SLC7A3: variants seen among roughly 807,000 people sequenced by gnomAD.
SLC7A3 encodes cationic amino acid transporter 3.
A neutral mutation model predicts 33.2 loss-of-function variants in SLC7A3; 3 were observed. The observed-to-expected ratio is 0.09, with a 90% CI of 0.04 to 0.23. The LOEUF (loss-of-function observed/expected upper bound fraction) is 0.23. SLC7A3 is among the 10% of genes least tolerant of loss of function. The probability of loss-of-function intolerance (pLI) is 1.00; values close to 1 mark genes in which losing one functional copy is unlikely to be tolerated. For synonymous variants in SLC7A3, 193 were observed against 195.1 expected, an observed-to-expected ratio of 0.99 and a Z score of 0.09; for missense variants, 360 against 488.8, an observed-to-expected ratio of 0.74 and a Z score of 2.48.
chrX:70,927,376 C>T lies in SLC7A3; in HGVS notation c.1192G>A (p.Ala398Thr). The change falls in exon 8 of 12, where the codon GCA becomes ACA. Residue 398 changes from alanine (A) to threonine (T), a missense_variant. Physicochemically the swap from Ala to Thr is moderately conservative, Grantham distance 58. Transcript: ENST00000374299. ...VVSGIIAAFM[A>T]FLFKLTDLVD... Reference sequence around the variant, plus strand: ...AGATCAGTGAGTTTGAAGAGGAATGCCATGAATGCTAAAATTAATAGGCAG... The same window carrying T: ...AGATCAGTGAGTTTGAAGAGGAATGTCATGAATGCTAAAATTAATAGGCAG... The T allele has an allele frequency of 1.7e-6, 2 of 1,210,153 alleles. No individual in the cohort carries two copies. The highest frequency in any genetic ancestry group is 2.2e-6 in the Non-Finnish European group (2 of 894,671).
At chrX:70,929,487 C>A (rs888648365) in intron 2 of SLC7A3, 141 bp downstream of exon 2, 25 of 715,960 alleles carry the variant, frequency 3.5e-5, no homozygotes, top group Middle Eastern at 3.7e-4. Context: ...TTCAACACCC[C>A]CCCCCAGACC....
chrX:70,927,979 T>A lies in SLC7A3; in HGVS notation c.862A>T (p.Ile288Phe). Reference sequence around the variant, plus strand: ...AAGCAGACAGACAGTGAGATCACAATGCCCATCGGGATGGAACGCTGGGGA... The same window carrying A: ...AAGCAGACAGACAGTGAGATCACAAAGCCCATCGGGATGGAACGCTGGGGA... ...QNPQRSIPMGIVISLSVCFLA... is the reference protein window; with the variant it reads ...QNPQRSIPMGFVISLSVCFLA... Residue 288 changes from isoleucine (I) to phenylalanine (F), a missense_variant, in exon 6 of 12, where the codon ATT becomes TTT. Coordinates refer to ENST00000374299, the MANE Select transcript of SLC7A3 (RefSeq NM_032803.6). 1 of 1,211,364 alleles carries A rather than the reference T, an allele frequency of 8.3e-7. No individual in the cohort carries two copies. Among genetic ancestry groups the A allele is most frequent in the East Asian group, 3.0e-5 (1 of 33,804 alleles).
chrX:70,925,739 G>A lies in SLC7A3; in HGVS notation c.*74C>T, dbSNP rs2091895020. ...TCCACCACCACCATCACAGGGGAGG[G>A]CTAGCTGTCACTGGGGTCAGGAGTA... On this transcript the variant is annotated 3_prime_UTR_variant, in exon 12 of 12. Coordinates refer to ENST00000374299, the MANE Select transcript of SLC7A3 (RefSeq NM_032803.6). The A allele has an allele frequency of 9.7e-6, 11 of 1,131,617 alleles. No homozygotes were observed. In the South Asian group the frequency reaches 1.5e-4, roughly 16 times the overall value. 93.3% of individuals were successfully genotyped at this position (1,131,617 alleles called of 1,213,427 possible).
Position 70,929,912 on chromosome X carries a change from G to A in SLC7A3, c.86C>T (p.Ala29Val). Reference sequence around the variant, plus strand: ...TAAATCCAGGGTGCTTAGGCATCTGGCAAGGCGAGTCTCAGCCATGCCTGA... The same window carrying A: ...TAAATCCAGGGTGCTTAGGCATCTGACAAGGCGAGTCTCAGCCATGCCTGA... Reference protein sequence around the residue: ...LESGMAETRLARCLSTLDLVA... With the variant: ...LESGMAETRLVRCLSTLDLVA... Residue 29 changes from alanine to valine, a missense_variant, in exon 2 of 12, where the codon GCC (alanine) becomes GTC (valine). By Grantham distance (64) the Ala-to-Val change is moderately conservative. Transcript: ENST00000374299. 8.3e-7 allele frequency: 1 copy of A among 1,211,854 alleles called. No homozygotes were observed. Among genetic ancestry groups the A allele is most frequent in the Admixed American group, 2.2e-5 (1 of 46,073 alleles).
intron 11 of SLC7A3, 51 bp from the exon 12 acceptor site, chrX:70,925,994 TC>T (rs199657967): frequency 0.022 from 26,336 of 1,207,615 alleles, 248 homozygotes; most frequent in Non-Finnish European, 0.027. Context: ...TTCATAGGTT[TC>T]CTACTTGAGA....
rs1186189571 is a variant in SLC7A3 at position 70,926,647 on chromosome X, A to T, written c.1500T>A (p.Val500=). 6 of 1,191,231 alleles carry T rather than the reference A, an allele frequency of 5.0e-6. No individual in the cohort carries two copies. The highest frequency in any genetic ancestry group is 6.8e-6 in the Non-Finnish European group (6 of 886,195). ...ACAGCAGGTCTCCAGAAAGCAATGGAACTGACCACTGGGCCAGCACCAGGC... is the reference window on the plus strand; with the variant it reads ...ACAGCAGGTCTCCAGAAAGCAATGGTACTGACCACTGGGCCAGCACCAGGC... ...ALCLVLAQWS[V]PLLSGDLLWT... The change falls in exon 10 of 12, where the codon GTT becomes GTA. Residue 500 remains valine, a synonymous_variant. Transcript: ENST00000374299.
chrX:70,929,245 C>G (rs1338858753), intron 2 of SLC7A3, among the ~76,000 whole-genome samples: 1 of 111,471 alleles, frequency 9.0e-6, no homozygotes, highest in Non-Finnish European at 1.9e-5. Flanking sequence ...TGTAAGCCAC[C>G]CTGCGCGGCT....
At chrX:70,929,135 G>A in intron 2 of SLC7A3, 133 bp from the exon 3 acceptor site, 2 of 643,966 alleles carry the variant, frequency 3.1e-6, no homozygotes, top group South Asian at 5.8e-5. Flanking sequence ...CTGTCACCCA[G>A]GATGGAGTGC....
In SLC7A3 at chrX:70,928,850, G is replaced by A; in HGVS notation, c.523C>T (p.Leu175Phe). The change falls in exon 3 of 12, where the codon CTC becomes TTC. Residue 175 changes from leucine (L) to phenylalanine (F), a missense_variant. Coordinates refer to ENST00000374299, the MANE Select transcript of SLC7A3 (RefSeq NM_032803.6). ...DFFALGLVLL[L>F]TGLLALGASE... ...ACCCTGCTCTTTGCCTCACCAGTGA[G>A]CAGCAACACGAGGCCCAAAGCAAAG... The A allele has an allele frequency of 3.3e-6, 4 of 1,210,633 alleles. No individual in the cohort carries two copies. The highest frequency in any genetic ancestry group is 4.5e-6 in the Non-Finnish European group (4 of 895,313).
intron 11 of SLC7A3, 39 bp from the exon 12 acceptor site, chrX:70,925,982 G>C (rs749790512): frequency 2.5e-6 from 3 of 1,209,910 alleles, no homozygotes; most frequent in Middle Eastern, 2.3e-4. Context: ...GGGTGTAAAG[G>C]CTTCATAGGT....
intron 1 of SLC7A3, 37 bp downstream of exon 1, chrX:70,930,940 C>T (rs1569467978): frequency 1.8e-5 from 2 of 111,333 alleles, no homozygotes; most frequent in Non-Finnish European, 3.8e-5. Flanking sequence ...CCCTCGCCGT[C>T]CCCCCTCCGA....
At chrX:70,930,235 A>T (rs1409430097) in intron 1 of SLC7A3, among the ~76,000 whole-genome samples, 1 of 112,028 alleles carries the variant, frequency 8.9e-6, no homozygotes, top group African/African-American at 3.2e-5. Context: ...TGGAAGGGCT[A>T]ATTTCAGAAA....
chrX:70,927,737 G>A, intron 6 of SLC7A3, 61 bp downstream of exon 6: 1 of 1,150,817 alleles, frequency 8.7e-7, no homozygotes, highest in Non-Finnish European at 1.2e-6. Flanking sequence ...GGTATTCTCT[G>A]GTACTGAATG....
In SLC7A3 at chrX:70,927,593, C is replaced by T. The variant is rs145368715; in HGVS notation, c.1074G>A (p.Arg358=). The change falls in exon 7 of 12, where the codon CGG becomes CGA. Residue 358 remains arginine (R), a synonymous_variant. Transcript: ENST00000374299. ...CATCCTCTGCCATCGCGTAGATCAC[C>T]CGAGGCATGGGGAACATGGAGCCCA... The part of the protein sequence containing the change: ...SLLGSMFPMP[R]VIYAMAEDGL... The T allele has an allele frequency of 1.3e-4, 156 of 1,208,390 alleles. No homozygotes were observed. The African/African-American group carries it at 2.2e-3, about 17-fold the overall frequency.
Position 70,925,930 on chromosome X carries a change from G to A in SLC7A3, c.1743C>T (p.Tyr581=), listed in dbSNP as rs1416815693. Residue 581 remains tyrosine, a synonymous_variant, in exon 12 of 12, where the codon TAC becomes TAT. Transcript: ENST00000374299. ...GGCTGTGCTGGATCCCATAGCCGAA[G>A]TAGATAGCAAAGCCTAGTGGGGAAA... ...GVWMLIGFAI[Y]FGYGIQHSLE... 2 of 1,211,832 alleles carry A rather than the reference G, an allele frequency of 1.7e-6. No homozygotes were observed. Among genetic ancestry groups the A allele is most frequent in the Non-Finnish European group, 2.2e-6 (2 of 895,571 alleles).
intron 2 of SLC7A3, among the ~76,000 whole-genome samples, chrX:70,929,210 C>T (rs1185626437): frequency 8.9e-6 from 1 of 111,996 alleles, no homozygotes; most frequent in African/African-American, 3.2e-5. Context: ...CCTGCCTCAA[C>T]CTCCTGAGTA....
At chrX:70,929,121 C>CAAA in intron 2 of SLC7A3, 119 bp from the exon 3 acceptor site, 1 of 735,965 alleles carries the variant, frequency 1.4e-6, no homozygotes, top group Non-Finnish European at 2.0e-6. Flanking sequence ...GACCAAGTCT[C>CAAA]ACTCTGTCAC....
intron 3 of SLC7A3, 80 bp from the exon 4 acceptor site, chrX:70,928,713 C>G: frequency 8.9e-7 from 1 of 1,120,423 alleles, no homozygotes; most frequent in Non-Finnish European, 1.2e-6. Context: ...TCCTTCCCAG[C>G]TTTTCTTCTT....
Position 70,928,468 on chromosome X carries a change from T to C in SLC7A3, c.695A>G (p.Asn232Ser), listed in dbSNP as rs77465918. 8.3e-7 allele frequency: 1 copy of C among 1,203,554 alleles called. No individual in the cohort carries two copies. The highest frequency in any genetic ancestry group is 2.2e-5 in the Admixed American group (1 of 44,999). The change falls in exon 4 of 12, where the codon AAT becomes AGT. Residue 232 changes from asparagine to serine, a missense_variant. Transcript: ENST00000374299. ...GTGACCATCTAACCTATAGGTGTCA[T>C]TGAGTTCAGCCATGGCCAATTCGTA... is the stretch of plus-strand genomic sequence containing the variant. Reference protein sequence around the residue: ...EDYELAMAELNDTYSLGPLGS... With the variant: ...EDYELAMAELSDTYSLGPLGS...
Sources: gnomAD v4.1 joint callset for allele counts (sites outside exome capture counted in the v4.1 genomes callset) on GRCh38, gnomAD v4.1.1 for gene constraint, MANE v1.5 for transcripts, NCBI Gene and HGNC (gene_info 2026-07-23, HGNC 2026-07-21) for gene names.